GNAS: variants seen among roughly 807,000 people sequenced by gnomAD.
The protein encoded by GNAS is GNAS complex locus, also known as protein ALEX.
A neutral mutation model predicts 54.5 loss-of-function variants in GNAS; 8 were observed. The observed-to-expected ratio is 0.15, with a 90% CI of 0.09 to 0.26. The LOEUF is 0.26. GNAS is among the 10% of genes least tolerant of loss of function. The pLI, the probability that GNAS is intolerant of heterozygous loss-of-function variation, is 1.00. For missense variants in GNAS, 170 were observed against 529.8 expected, an observed-to-expected ratio of 0.32 and a Z score of 6.67; for synonymous variants, 204 against 191.4, an observed-to-expected ratio of 1.07 and a Z score of -0.54.
chr20:58,865,281 G>T (rs1034807818), intron 1 of GNAS, among the ~76,000 whole-genome samples: 3 of 151,596 alleles, frequency 2.0e-5, no homozygotes, highest in Non-Finnish European at 4.4e-5. Context: ...AGCCGGGCGT[G>T]GTGGCGGGCA....
rs931294068 is a variant in GNAS, at chr20:58,841,165, A to G, written c.43+279A>G. 1.1e-4 allele frequency among the ~76,000 whole-genome samples: 16 copies of G among 152,156 alleles called. No homozygotes were observed. The highest frequency in any genetic ancestry group is 3.6e-4 in the African/African-American group (15 of 41,450). ...AGGTCTCCGAGCTGGTGCCCCGGCT[A>G]CGCGACTGAATCCCGAACGCACCCC... On this transcript the variant is annotated intron_variant, in intron 1 of 12. Coordinates refer to the GNAS transcript ENST00000306090. The surrounding 1 kb of genome is among the most constrained non-coding windows in gnomAD (Gnocchi z 5.0).
At chr20:58,858,938 C>T (rs375122047) in intron 1 of GNAS, among the ~76,000 whole-genome samples, 25 of 152,286 alleles carry the variant, frequency 1.6e-4, no homozygotes, top group African/African-American at 6.0e-4. Flanking sequence ...TTTTCAGTCT[C>T]CTAGTAAGAT....
At chr20:58,900,156 AGAAATG>A in intron 3 of GNAS, 1 of 586,988 alleles carries the variant, frequency 1.7e-6, no homozygotes, top group Non-Finnish European at 3.0e-6. Flanking sequence ...CTTAATTGGC[AGAAATG>A]TAGTATGACA....
At chr20:58,899,230 A>C (rs537064021) in intron 3 of GNAS, among the ~76,000 whole-genome samples, 4 of 152,292 alleles carry the variant, frequency 2.6e-5, no homozygotes, top group Admixed American at 2.0e-4. Flanking sequence ...AAAGTTATAG[A>C]TTTCAGCCTT....
intron 3 of GNAS, among the ~76,000 whole-genome samples, chr20:58,900,746 A>G (rs1219989124): frequency 6.6e-6 from 1 of 152,254 alleles, no homozygotes; most frequent in Non-Finnish European, 1.5e-5. Flanking sequence ...CGTTAAATTC[A>G]TTAAGCAATA....
intron 1 of GNAS, among the ~76,000 whole-genome samples, chr20:58,879,244 C>A (rs1490548994): frequency 6.6e-6 from 1 of 152,172 alleles, no homozygotes; most frequent in African/African-American, 2.4e-5. Flanking sequence ...AGCCTCCAAG[C>A]CACTTTCTGG....
At chr20:58,905,592 G>A in intron 6 of GNAS, 112 bp downstream of exon 6, 1 of 740,252 alleles carries the variant, frequency 1.4e-6, no homozygotes, top group East Asian at 2.5e-5. Flanking sequence ...TTTCTTAGAA[G>A]CCAACCAGTT....
At position 58,905,397 on chromosome 20, in the gene GNAS, T is replaced by C; in HGVS notation, c.447T>C (p.His149=). Residue 149 remains histidine (H), a synonymous_variant, in exon 6 of 13, where the codon CAT becomes CAC. Transcript: ENST00000371085. The part of the protein sequence containing the change: ...DFDFPPEFYE[H]AKALWEDEGV... ...TTCACTTTCAGGAATTCTATGAGCA[T>C]GCCAAGGCTCTGTGGGAGGATGAAG... The C allele has an allele frequency of 1.3e-6, 2 of 1,598,626 alleles. No homozygotes were observed. The highest frequency in any genetic ancestry group is 1.7e-6 in the Non-Finnish European group (2 of 1,165,858).
At chr20:58,894,568 C>G (rs550854325) in intron 1 of GNAS, among the ~76,000 whole-genome samples, 1 of 152,108 alleles carries the variant, frequency 6.6e-6, no homozygotes, top group East Asian at 1.9e-4. Context: ...AAACTTCACA[C>G]GTGGATTATC....
At chr20:58,894,926 G>A (rs1371895980) in intron 1 of GNAS, among the ~76,000 whole-genome samples, 1 of 152,192 alleles carries the variant, frequency 6.6e-6, no homozygotes, top group Non-Finnish European at 1.5e-5. Context: ...CTTTTCCTCA[G>A]CAACATAGTT....
intron 3 of GNAS, chr20:58,902,955 C>CCG (rs1441103709): frequency 5.3e-6 from 1 of 188,900 alleles, no homozygotes; most frequent in African/African-American, 2.4e-5. Context: ...AGACTGGTCT[C>CCG]CAACTCCTGA....
chr20:58,906,337 T>C (rs961477904), intron 6 of GNAS, among the ~76,000 whole-genome samples: 35 of 152,074 alleles, frequency 2.3e-4, no homozygotes, highest in African/African-American at 8.5e-4. Flanking sequence ...CCAGGCTGCT[T>C]CCCTTGCTGC....
rs1260900500 is a variant in GNAS at position 58,841,851 on chromosome 20, C to T, written c.43+965C>T. The T allele has an allele frequency of 8.1e-7, 1 of 1,230,896 alleles. No individual in the cohort carries two copies. Among genetic ancestry groups the T allele is most frequent in the Non-Finnish European group, 1.0e-6 (1 of 987,966 alleles). 76.2% of individuals were successfully genotyped at this position (1,230,896 alleles called of 1,614,324 possible). ...CTGTTTGCGCAGGACCTCTGGAGGC[C>T]CTCGAGATCGTCGCAAGTGGAAAGG... On this transcript the variant is annotated intron_variant, in intron 1 of 12. Transcript: ENST00000306090. The surrounding 1 kb of genome is among the most constrained non-coding windows in gnomAD (Gnocchi z 5.0).
chr20:58,846,565 G>C (rs147756102), intron 1 of GNAS, among the ~76,000 whole-genome samples: 1 of 152,324 alleles, frequency 6.6e-6, no homozygotes, highest in East Asian at 1.9e-4. Flanking sequence ...CAAGGCTAAA[G>C]CTTTGGGTTT....
At chr20:58,894,655 A>G (rs900369043) in intron 1 of GNAS, among the ~76,000 whole-genome samples, 2 of 152,244 alleles carry the variant, frequency 1.3e-5, no homozygotes, top group Non-Finnish European at 2.9e-5. Flanking sequence ...TGTTTTTTCC[A>G]TGAAACATAT....
chr20:58,849,195 G>A (rs1456268777), intron 1 of GNAS, among the ~76,000 whole-genome samples: 1 of 152,046 alleles, frequency 6.6e-6, no homozygotes, highest in Non-Finnish European at 1.5e-5. Context: ...ATCCTACAAT[G>A]CACAGGGCAG....
chr20:58,910,457 T>G lies in GNAS; in HGVS notation c.1038+56T>G, dbSNP rs2091363777. ...TTGTTCCTCCTCTTTTTCTCATGGA[T>G]GTAAATTTACTTAATTCCAAATTCA... On this transcript the variant is annotated intron_variant, in intron 12 of 12. Transcript: ENST00000371085. The surrounding 1 kb of genome is among the most constrained non-coding windows in gnomAD (Gnocchi z 5.8). The G allele has an allele frequency of 7.2e-7, 1 of 1,388,126 alleles. No homozygotes were observed. Among genetic ancestry groups the G allele is most frequent in the Non-Finnish European group, 1.0e-6 (1 of 974,470 alleles). The allele number at this position is 1,388,126 out of a possible 1,614,324, so 86.0% of individuals were successfully genotyped here. A position where few individuals can be genotyped will look rare whatever the true frequency, so the allele number is the denominator to read the frequency against.
In GNAS at chr20:58,911,154, T is replaced by TTA; in HGVS notation, c.*325_*326insTA. On this transcript the variant is annotated 3_prime_UTR_variant, in exon 13 of 13. Transcript: ENST00000371085. ...AAATAAATATTGTGTTGTGCAGCATTAAAAAAAATCAAAATAAAAATTAAA... is the reference window on the plus strand; with the variant it reads ...AAATAAATATTGTGTTGTGCAGCATTTAAAAAAAAATCAAAATAAAAATTAAA... 1 of 500,446 alleles carries TTA rather than the reference T, an allele frequency of 2.0e-6. No homozygotes were observed. The highest frequency in any genetic ancestry group is 1.8e-5 in the South Asian group (1 of 56,898). The allele number at this position is 500,446 out of a possible 1,614,324, so 31.0% of individuals were successfully genotyped here. A position where few individuals can be genotyped will look rare whatever the true frequency, so the allele number is the denominator to read the frequency against.
At chr20:58,876,023 G>A (rs1819052318) in intron 1 of GNAS, among the ~76,000 whole-genome samples, 1 of 152,130 alleles carries the variant, frequency 6.6e-6, no homozygotes, top group African/African-American at 2.4e-5. Flanking sequence ...GAAAAACTGG[G>A]GCTTAGTGGC....
Sources: gnomAD v4.1 joint callset for allele counts (sites outside exome capture counted in the v4.1 genomes callset) on GRCh38, gnomAD v4.1.1 for gene constraint, Gnocchi (gnomAD v3.1) non-coding constraint, MANE v1.5 for transcripts, NCBI Gene and HGNC (gene_info 2026-07-23, HGNC 2026-07-21) for gene names.